Variants in STK33 observed in about 807,000 individuals in gnomAD.
STK33 encodes the protein serine/threonine kinase 33.
Under a neutral mutation model 58.0 loss-of-function variants are expected in STK33, and 52 were observed. The ratio of observed to expected loss-of-function variants is 0.90; its 90% CI spans 0.72 to 1.13. The LOEUF (loss-of-function observed/expected upper bound fraction) is 1.13, where lower values mean the gene tolerates loss of function less well. Among genes scored for constraint, STK33 ranks in the 50% most tolerant of loss-of-function variants. The pLI is 0.00. For missense variants in STK33, 630 were observed against 604.2 expected, an observed-to-expected ratio of 1.04 and a Z score of -0.45; for synonymous variants, 215 against 200.1, an observed-to-expected ratio of 1.07 and a Z score of -0.63.
At chr11:8,339,748 G>C in the STK33 span, among the ~76,000 whole-genome samples, 10 of 152,220 alleles carry the variant, frequency 6.6e-5, no homozygotes, top group East Asian at 1.9e-4. Flanking sequence ...TCGCCACATC[G>C]GGGAGAGGAC....
chr11:8,397,816 A>G (rs2135140185), intron 15 of STK33, among the ~76,000 whole-genome samples: 1 of 143,946 alleles, frequency 6.9e-6, no homozygotes, highest in East Asian at 2.1e-4. Context: ...TGACAAATGC[A>G]TAAGCCTCAG....
chr11:8,413,222 T>C (rs1423266588), intron 15 of STK33, among the ~76,000 whole-genome samples: 1 of 152,208 alleles, frequency 6.6e-6, no homozygotes, highest in Non-Finnish European at 1.5e-5. Context: ...CAAAGACTAC[T>C]AGGGCCCACA....
chr11:8,440,779 A>C, intron 11 of STK33, 26 bp from the exon 12 acceptor site: 1 of 1,542,308 alleles, frequency 6.5e-7, no homozygotes, highest in Non-Finnish European at 8.8e-7. Flanking sequence ...ATATAAAATA[A>C]CATTAATAAT....
intron 1 of STK33, among the ~76,000 whole-genome samples, chr11:8,571,107 G>A (rs1957778907): frequency 6.6e-6 from 1 of 152,168 alleles, no homozygotes; most frequent in African/African-American, 2.4e-5. Context: ...CATAGAAGCA[G>A]TTTCCAGAAT....
At position 8,430,530 on chromosome 11, in the gene STK33, TAA is replaced by T; in HGVS notation, c.1146+4962_1146+4963del. Among the ~76,000 whole-genome samples the T allele has an allele frequency of 2.0e-5, 3 of 152,246 alleles. 1 individual carries two copies. In the Middle Eastern group the frequency reaches 0.01, roughly 518 times the overall value. ...AGAAAAATAATAATAATAAATCTCATAAAGTTTTAAGAAAGTTTACAAGTTTG... is the reference window on the plus strand; with the variant it reads ...AGAAAAATAATAATAATAAATCTCATAGTTTTAAGAAAGTTTACAAGTTTG... On this transcript the variant is annotated intron_variant, in intron 14 of 15. Transcript: ENST00000687296.
Position 8,580,699 on chromosome 11 carries a change from C to T in STK33, c.-466+13384G>A, listed in dbSNP as rs1433271474. Reference sequence around the variant, plus strand: ...CATTTTCCATGATGTGATTACTATGCATTGCTTGCCTATATCAAAGTATCT... The same window carrying T: ...CATTTTCCATGATGTGATTACTATGTATTGCTTGCCTATATCAAAGTATCT... On this transcript the variant is annotated intron_variant, in intron 1 of 15. Coordinates refer to ENST00000687296, the MANE Select transcript of STK33 (RefSeq NM_001352389.2). The T allele has an allele frequency of 3.9e-5, 6 of 152,148 alleles. No individual in the cohort carries two copies. In the East Asian group the frequency reaches 1.2e-3, roughly 29 times the overall value. 9.4% of individuals were successfully genotyped at this position (152,148 alleles called of 1,614,324 possible). A position where few individuals can be genotyped will look rare whatever the true frequency, so the allele number is the denominator to read the frequency against.
chr11:8,347,861 C>T, the STK33 span, among the ~76,000 whole-genome samples: 4 of 152,274 alleles, frequency 2.6e-5, no homozygotes, highest in African/African-American at 9.6e-5. Flanking sequence ...TTTCTCTCCA[C>T]TGTGGCGGAA....
chr11:8,354,539 G>A, the STK33 span, among the ~76,000 whole-genome samples: 1 of 124,100 alleles, frequency 8.1e-6, no homozygotes, highest in Non-Finnish European at 1.7e-5. Flanking sequence ...CCCACATCAT[G>A]CTCAGCCCCA....
chr11:8,489,272 G>GAAAAAAAAAAAAAA (rs60919146), intron 1 of STK33, among the ~76,000 whole-genome samples: 2 of 126,572 alleles, frequency 1.6e-5, no homozygotes, highest in East Asian at 2.3e-4. Flanking sequence ...AAAAAAAAAA[G>GAAAAAAAAAAAAAA]AAAAAAAAAA....
chr11:8,536,971 G>GTTT (rs1414218820), intron 1 of STK33, among the ~76,000 whole-genome samples: 1 of 40,956 alleles, frequency 2.4e-5, no homozygotes, highest in Non-Finnish European at 4.5e-5. Flanking sequence ...AAAAAAAAAA[G>GTTT]ATTTTTTTTT....
intron 12 of STK33, among the ~76,000 whole-genome samples, chr11:8,439,869 T>TTATATATA (rs551629890): frequency 0.029 from 3,062 of 107,202 alleles, 293 homozygotes; most frequent in African/African-American, 0.096. Context: ...TATATTATAA[T>TTATATATA]TATATATATA....
chr11:8,552,769 C>T (rs896866759), intron 1 of STK33, among the ~76,000 whole-genome samples: 1 of 152,126 alleles, frequency 6.6e-6, no homozygotes, highest in Non-Finnish European at 1.5e-5. Flanking sequence ...AAAATGCCTT[C>T]TTCTGGATAC....
At chr11:8,573,229 G>GA (rs1375794317) in intron 1 of STK33, among the ~76,000 whole-genome samples, 1 of 152,124 alleles carries the variant, frequency 6.6e-6, no homozygotes, top group African/African-American at 2.4e-5. Flanking sequence ...AACATACAAA[G>GA]AATGTCTAAA....
chr11:8,526,212 C>A (rs369490850), intron 1 of STK33, among the ~76,000 whole-genome samples: 2 of 152,132 alleles, frequency 1.3e-5, no homozygotes, highest in South Asian at 4.2e-4. Flanking sequence ...TTCTGGCCAA[C>A]GTGGTAAAAC....
intron 1 of STK33, among the ~76,000 whole-genome samples, chr11:8,498,222 A>C (rs1951212308): frequency 6.6e-6 from 1 of 152,180 alleles, no homozygotes; most frequent in African/African-American, 2.4e-5. Context: ...TCAGCAAACA[A>C]GTAATAGTGG....
At chr11:8,591,552 A>G (rs1176411219) in intron 1 of STK33, among the ~76,000 whole-genome samples, 1 of 152,194 alleles carries the variant, frequency 6.6e-6, no homozygotes, top group East Asian at 1.9e-4. Flanking sequence ...CTATAACAAG[A>G]GTTCACATGG....
At chr11:8,544,519 T>C (rs1955768023) in intron 1 of STK33, among the ~76,000 whole-genome samples, 1 of 151,650 alleles carries the variant, frequency 6.6e-6, no homozygotes. Flanking sequence ...TTTCAACTGT[T>C]TTACTATCTA....
Position 8,392,630 on chromosome 11 carries a change from T to A in STK33, c.1425A>T (p.Lys475Asn). ...CTCCCTTGATTTCAGCTGGAAGGAGTTTGCTAGATGTGAAACTTGAACTGC... is the reference window on the plus strand; with the variant it reads ...CTCCCTTGATTTCAGCTGGAAGGAGATTGCTAGATGTGAAACTTGAACTGC... ...DMCSSSFTSS[K>N]LLPAEIKGEM... Residue 475 changes from lysine to asparagine, a missense_variant, in exon 16 of 16, where the codon AAA (lysine) becomes AAT (asparagine). Transcript: ENST00000687296. 6.2e-7 allele frequency: 1 copy of A among 1,613,990 alleles called. No individual in the cohort carries two copies. The highest frequency in any genetic ancestry group is 8.5e-7 in the Non-Finnish European group (1 of 1,180,016).
At chr11:8,451,904 G>T (rs1946325251) in intron 11 of STK33, among the ~76,000 whole-genome samples, 1 of 151,932 alleles carries the variant, frequency 6.6e-6, no homozygotes, top group Non-Finnish European at 1.5e-5. Flanking sequence ...GATGAAACTG[G>T]ATAAAAAAAT....
Sources: allele counts gnomAD v4.1 joint callset (sites outside exome capture counted in the v4.1 genomes callset), GRCh38; gene constraint gnomAD v4.1.1; transcripts MANE v1.5; gene names NCBI Gene and HGNC (gene_info 2026-07-23, HGNC 2026-07-21).